DAB1: variants seen among roughly 807,000 people sequenced by gnomAD.
DAB1 encodes DAB adaptor protein 1.
DAB1 carries 15 observed loss-of-function variants against 64.6 expected under a neutral mutation model. That is an observed-to-expected ratio of 0.23 (90% confidence interval 0.16 to 0.36). DAB1 has a LOEUF of 0.36. Among genes scored for constraint, DAB1 ranks in the 10% least tolerant of loss-of-function variants. The pLI, the probability that DAB1 is intolerant of heterozygous loss-of-function variation, is 1.00. For missense variants in DAB1, 596 were observed against 706.7 expected, an observed-to-expected ratio of 0.84 and a Z score of 1.78; for synonymous variants, 235 against 251.9, an observed-to-expected ratio of 0.93 and a Z score of 0.64.
chr1:57,819,514 G>C lies in DAB1; in HGVS notation n.551+64485C>G, dbSNP rs551747131. ...TAATATCAATAAACTAATGATAGTA[G>C]CTAGAGCTAATTTTCCCTTATGCTT... On this transcript the variant is annotated intron_variant and non_coding_transcript_variant, in intron 6 of 20. Coordinates refer to the DAB1 transcript ENST00000485760. 6.6e-5 allele frequency among the ~76,000 whole-genome samples: 10 copies of C among 152,294 alleles called. No homozygotes were observed. In the South Asian group the frequency reaches 2.1e-3, roughly 32 times the overall value.
chr1:58,335,505 C>T (rs1203929128), intron 4 of DAB1, among the ~76,000 whole-genome samples: 2 of 150,560 alleles, frequency 1.3e-5, no homozygotes, highest in African/African-American at 2.5e-5. Context: ...TTGCACAACT[C>T]GGTGCTCCAC....
At chr1:58,176,229 CACTTAG>C (rs2100775646) in intron 4 of DAB1, among the ~76,000 whole-genome samples, 1 of 152,266 alleles carries the variant, frequency 6.6e-6, no homozygotes, top group South Asian at 2.1e-4. Flanking sequence ...AAACCTAGCT[CACTTAG>C]ACTATATGCA....
chr1:58,187,498 A>C (rs1347713151), intron 4 of DAB1, among the ~76,000 whole-genome samples: 1 of 151,028 alleles, frequency 6.6e-6, no homozygotes, highest in Admixed American at 6.6e-5. Context: ...GCCTGACTAC[A>C]AAGCACCCAG....
chr1:57,990,493 G>A (rs1343651903), intron 5 of DAB1, among the ~76,000 whole-genome samples: 3 of 152,186 alleles, frequency 2.0e-5, no homozygotes, highest in Non-Finnish European at 4.4e-5. Context: ...CTAACAACAA[G>A]TTGGTGAGGA....
At chr1:58,327,312 G>A (rs535775072) in intron 4 of DAB1, among the ~76,000 whole-genome samples, 1 of 152,248 alleles carries the variant, frequency 6.6e-6, no homozygotes, top group Admixed American at 6.5e-5. Flanking sequence ...AGGAAGGAAG[G>A]AAGAGGAGAA....
chr1:57,861,567 A>G (rs1002378395), intron 1 of DAB1, among the ~76,000 whole-genome samples: 6 of 152,128 alleles, frequency 3.9e-5, no homozygotes, highest in Non-Finnish European at 7.4e-5. Context: ...ACCTGCATTC[A>G]AGGCCCTCCT....
intron 7 of DAB1, among the ~76,000 whole-genome samples, chr1:57,554,592 C>T (rs939854148): frequency 5.9e-5 from 9 of 152,164 alleles, no homozygotes; most frequent in East Asian, 3.8e-4. Context: ...CAAAAAAATG[C>T]GTTTTGAATT....
At chr1:57,263,120 A>ATTT (rs57596595) in intron 2 of DAB1, among the ~76,000 whole-genome samples, 54,540 of 148,670 alleles carry the variant, frequency 0.37, 10,034 homozygotes, top group South Asian at 0.5. Flanking sequence ...AGAAGATAAA[A>ATTT]TTTTTTTTTT....
intron 1 of DAB1, among the ~76,000 whole-genome samples, chr1:58,544,994 C>T (rs375012163): frequency 6.6e-6 from 1 of 152,122 alleles, no homozygotes. Flanking sequence ...TACTGCACTG[C>T]GAAGTGTTGG....
At chr1:57,905,572 T>G (rs1644537814) in intron 5 of DAB1, among the ~76,000 whole-genome samples, 1 of 152,122 alleles carries the variant, frequency 6.6e-6, no homozygotes. Context: ...ATTTCAGAAC[T>G]GTACATTTCA....
chr1:58,476,764 T>C (rs1436927554), intron 3 of DAB1, among the ~76,000 whole-genome samples: 2 of 152,204 alleles, frequency 1.3e-5, no homozygotes, highest in African/African-American at 2.4e-5. Flanking sequence ...ATGGGTGCTT[T>C]TAAATCAGGG....
At chr1:57,432,117 G>GAA (rs113942764) in intron 7 of DAB1, among the ~76,000 whole-genome samples, 1,374 of 116,980 alleles carry the variant, frequency 0.012, 19 homozygotes, top group African/African-American at 0.04. Context: ...GCAAGACTCT[G>GAA]AAAAAAAAAA....
intron 4 of DAB1, among the ~76,000 whole-genome samples, chr1:57,116,693 G>A (rs1269879915): frequency 6.6e-6 from 1 of 152,046 alleles, no homozygotes; most frequent in East Asian, 1.9e-4. Context: ...GGCCAATATT[G>A]TCTCTTGCAG....
chr1:58,107,021 G>C (rs1570359981), intron 5 of DAB1, among the ~76,000 whole-genome samples: 1 of 151,572 alleles, frequency 6.6e-6, no homozygotes, highest in East Asian at 1.9e-4. Context: ...GCATTATGCT[G>C]GGCCCTGAAG....
At position 57,106,148 on chromosome 1, in the gene DAB1, C is replaced by A. The variant is rs111345571; in HGVS notation, c.306+30395G>T. Among the ~76,000 whole-genome samples the A allele has an allele frequency of 1.0e-3, 159 of 152,252 alleles. 3 individuals are homozygous for A. Among genetic ancestry groups the A allele is most frequent in the African/African-American group, 3.6e-3 (151 of 41,540 alleles). On this transcript the variant is annotated intron_variant, in intron 4 of 14. Coordinates refer to ENST00000371236, the MANE Select transcript of DAB1 (RefSeq NM_001365792.1). ...TTCTCTTAGGCAACGATAATCACAT[C>A]GGGTTAACCTTTTCTGAAACAGAAA...
At chr1:57,483,378 C>T (rs59981159) in intron 7 of DAB1, among the ~76,000 whole-genome samples, 186 of 152,154 alleles carry the variant, frequency 1.2e-3, no homozygotes, top group African/African-American at 4.0e-3. Flanking sequence ...TGAGAGCTGA[C>T]GGTTTTATAA....
chr1:57,519,552 C>CG (rs367875895), intron 7 of DAB1, among the ~76,000 whole-genome samples: 36 of 152,292 alleles, frequency 2.4e-4, no homozygotes, highest in African/African-American at 8.2e-4. Flanking sequence ...ACAGACCCCC[C>CG]TGTAACTCCA....
At chr1:57,823,587 G>C (rs887373668), downstream of DAB1, among the ~76,000 whole-genome samples, 8 of 152,142 alleles carry the variant, frequency 5.3e-5, no homozygotes, top group South Asian at 2.1e-4. Flanking sequence ...AGCTTCCTCA[G>C]GTGTGAGTAC....
chr1:57,280,237 GAT>G (rs1671779946), intron 2 of DAB1, among the ~76,000 whole-genome samples: 1 of 152,180 alleles, frequency 6.6e-6, no homozygotes, highest in Non-Finnish European at 1.5e-5. Flanking sequence ...ATGAACAATA[GAT>G]ATTGGTTCCT....
Sources: gnomAD v4.1 joint callset for allele counts (sites outside exome capture counted in the v4.1 genomes callset) on GRCh38, gnomAD v4.1.1 for gene constraint, MANE v1.5 for transcripts, NCBI Gene and HGNC (gene_info 2026-07-23, HGNC 2026-07-21) for gene names.